ZP3: variants seen among roughly 807,000 people sequenced by gnomAD.
ZP3 encodes the protein zona pellucida sperm-binding protein 3.
Under a neutral mutation model 35.6 loss-of-function variants are expected in ZP3, and 21 were observed. The ratio of observed to expected loss-of-function variants is 0.59; its 90% CI spans 0.42 to 0.85. ZP3 has a LOEUF of 0.85. Among genes scored for constraint, ZP3 ranks in the 40% least tolerant of loss-of-function variants. ZP3 has a pLI of 0.00. For synonymous variants in ZP3, 207 were observed against 214.5 expected (o/e 0.96, Z 0.31); for missense variants, 437 against 536.5 (o/e 0.81, Z 1.83).
At chr7:76,436,024 C>G (rs1622618) in intron 5 of ZP3, among the ~76,000 whole-genome samples, 3 of 142,780 alleles carry the variant, frequency 2.1e-5, no homozygotes, top group African/African-American at 7.8e-5. Context: ...ACGCGCCCCC[C>G]GCCCCCTTTT....
Position 76,425,127 on chromosome 7 carries a change from G to A in ZP3, c.163G>A (p.Val55Ile). 2 of 1,613,990 alleles carry A rather than the reference G, an allele frequency of 1.2e-6. No individual in the cohort carries two copies. The highest frequency in any genetic ancestry group is 1.7e-6 in the Non-Finnish European group (2 of 1,180,032). Residue 55 changes from valine to isoleucine, a missense_variant, in exon 1 of 8, where the codon GTC becomes ATC. By Grantham distance (29) the Val-to-Ile change is conservative. Coordinates refer to ENST00000394857, the MANE Select transcript of ZP3 (RefSeq NM_001110354.2). ...ECQEATLMVM[V>I]SKDLFGTGKL... The stretch of plus-strand genomic sequence containing the variant: ...TCAGGAGGCCACTCTGATGGTCATG[G>A]TCAGCAAAGACCTTTTTGGCACCGG...
At chr7:76,415,643 G>A (rs1255205786) in intron 1 of ZP3, among the ~76,000 whole-genome samples, 12 of 150,094 alleles carry the variant, frequency 8.0e-5, no homozygotes, top group African/African-American at 2.7e-4. Flanking sequence ...ACAGGCATCC[G>A]CCACCACAAC....
chr7:76,414,983 G>C (rs1805335944), intron 1 of ZP3, among the ~76,000 whole-genome samples: 1 of 149,284 alleles, frequency 6.7e-6, no homozygotes, highest in African/African-American at 2.5e-5. Context: ...AGTATTACCA[G>C]TTTTCTCACT....
chr7:76,413,727 C>A (rs1286261198), intron 1 of ZP3, among the ~76,000 whole-genome samples: 8 of 151,944 alleles, frequency 5.3e-5, no homozygotes, highest in Non-Finnish European at 8.8e-5. Flanking sequence ...AGTGTAGTGG[C>A]GTGATCATAG....
At chr7:76,421,586 C>T (rs1481379089), upstream of ZP3, among the ~76,000 whole-genome samples, 1 of 151,456 alleles carries the variant, frequency 6.6e-6, no homozygotes, top group Non-Finnish European at 1.5e-5. Flanking sequence ...TATATATATA[C>T]ACACACATAT....
chr7:76,441,657 G>T (rs561377654), intron 7 of ZP3, among the ~76,000 whole-genome samples, 185 bp from the exon 8 acceptor site: 3 of 152,290 alleles, frequency 2.0e-5, no homozygotes, highest in African/African-American at 7.2e-5. Flanking sequence ...CAAAGTGCTG[G>T]GATTACAGGC....
At chr7:76,441,588 G>A (rs949922721) in intron 7 of ZP3, among the ~76,000 whole-genome samples, 6 of 151,888 alleles carry the variant, frequency 4.0e-5, no homozygotes, top group African/African-American at 7.3e-5. Flanking sequence ...GGGTCTTGCC[G>A]TGTTGGCCAG....
chr7:76,430,608 GC>G (rs1805800174), intron 2 of ZP3, among the ~76,000 whole-genome samples: 1 of 152,120 alleles, frequency 6.6e-6, no homozygotes, highest in East Asian at 1.9e-4. Context: ...GGTAGCGCGT[GC>G]CTGTAATCTC....
At chr7:76,407,360 C>G (rs1563688191) in intron 1 of ZP3, among the ~76,000 whole-genome samples, 1 of 150,836 alleles carries the variant, frequency 6.6e-6, no homozygotes, top group Non-Finnish European at 1.5e-5. Context: ...GAGACAGAGT[C>G]TCGCCTTGTC....
At chr7:76,426,157 T>C (rs1805644828) in intron 1 of ZP3, among the ~76,000 whole-genome samples, 1 of 151,558 alleles carries the variant, frequency 6.6e-6, no homozygotes, top group South Asian at 2.1e-4. Context: ...TTAAAGACCT[T>C]AAAAGCATCA....
chr7:76,436,996 T>A (rs1663132394), intron 5 of ZP3, among the ~76,000 whole-genome samples: 1 of 151,604 alleles, frequency 6.6e-6, no homozygotes, highest in Non-Finnish European at 1.5e-5. Flanking sequence ...CTATGTCCCA[T>A]GGCACAAAGA....
Position 76,433,650 on chromosome 7 carries a change from G to A in ZP3, c.713+3G>A, listed in dbSNP as rs763209406. 1.3e-6 allele frequency: 2 copies of A among 1,598,342 alleles called. No individual in the cohort carries two copies. The highest frequency in any genetic ancestry group is 3.5e-5 in the Admixed American group (2 of 57,920). ...CACACCATCGTGGACTTCCATGGGT[G>A]AGCACTGGGCTCCCTGCCTAGAGAA... is the stretch of plus-strand genomic sequence containing the variant. On this transcript the variant is annotated splice_donor_region_variant and intron_variant, in intron 4 of 7. Coordinates refer to ENST00000394857, the MANE Select transcript of ZP3 (RefSeq NM_001110354.2).
chr7:76,416,973 T>TATATATATATATATAA (rs568367143), intron 1 of ZP3, among the ~76,000 whole-genome samples: 1 of 47,158 alleles, frequency 2.1e-5, no homozygotes, highest in African/African-American at 9.1e-5. Context: ...TATATATATA[T>TATATATATATATATAA]AATTTGGCAT....
chr7:76,404,294 G>T (rs201780335), intron 1 of ZP3: 1 of 1,582,812 alleles, frequency 6.3e-7, no homozygotes, highest in Non-Finnish European at 8.6e-7. Flanking sequence ...AGGGCTAACA[G>T]GGGAGGACTC....
At chr7:76,424,354 C>T (rs1022084931), upstream of ZP3, among the ~76,000 whole-genome samples, 6 of 152,222 alleles carry the variant, frequency 3.9e-5, no homozygotes, top group African/African-American at 7.2e-5. Context: ...CTGGGGCGGG[C>T]GCGGTGGCTC....
intron 1 of ZP3, chr7:76,400,361 G>A (rs2115780355): frequency 1.3e-6 from 2 of 1,581,780 alleles, no homozygotes; most frequent in Non-Finnish European, 1.7e-6. Flanking sequence ...CACTCGCTCA[G>A]CGCAGCTTCC....
chr7:76,429,702 T>A, intron 2 of ZP3, 69 bp downstream of exon 2: 1 of 1,341,590 alleles, frequency 7.5e-7, no homozygotes, highest in Middle Eastern at 1.8e-4. Flanking sequence ...GCAAGTGGGC[T>A]GGCTATGGGC....
chr7:76,429,028 G>T, intron 1 of ZP3: 1 of 169,662 alleles, frequency 5.9e-6, no homozygotes. Flanking sequence ...ACTGCTTCCT[G>T]GCGGCTATCT....
At chr7:76,405,726 A>G (rs918577158) in intron 1 of ZP3, among the ~76,000 whole-genome samples, 1 of 152,104 alleles carries the variant, frequency 6.6e-6, no homozygotes, top group African/African-American at 2.4e-5. Flanking sequence ...CTTGGATGGA[A>G]ACGCATGAGG....
Sources: allele counts gnomAD v4.1 joint callset (sites outside exome capture counted in the v4.1 genomes callset), GRCh38; gene constraint gnomAD v4.1.1; transcripts MANE v1.5; gene names NCBI Gene and HGNC (gene_info 2026-07-23, HGNC 2026-07-21).